RTTN: variants seen among roughly 807,000 people sequenced by gnomAD.
RTTN encodes the protein rotatin.
RTTN carries 182 observed loss-of-function variants against 269.2 expected under a neutral mutation model. That is an observed-to-expected ratio of 0.68 (90% CI 0.60 to 0.76). The LOEUF is 0.76. RTTN is among the 30% of genes least tolerant of loss of function. RTTN has a pLI of 0.00. For synonymous variants in RTTN, 1,006 were observed against 963.5 expected (o/e 1.04, Z -0.82); for missense variants, 2,545 against 2,608.6 (o/e 0.98, Z 0.53).
chr18:70,176,223 ATATG>A (rs1404791304), intron 11 of RTTN, among the ~76,000 whole-genome samples: 2 of 145,484 alleles, frequency 1.4e-5, no homozygotes, highest in African/African-American at 2.8e-5. Flanking sequence ...ATGTATATGT[ATATG>A]TATATGTATA....
chr18:70,090,304 T>C (rs2058809802), intron 30 of RTTN, among the ~76,000 whole-genome samples: 1 of 152,218 alleles, frequency 6.6e-6, no homozygotes, highest in African/African-American at 2.4e-5. Flanking sequence ...TGTTTTCTCC[T>C]ACACATACAT....
At position 70,006,378 on chromosome 18, in the gene RTTN, G is replaced by A. The variant is rs868535718; in HGVS notation, c.6525+3C>T. The A allele has an allele frequency of 6.2e-7, 1 of 1,608,588 alleles. No homozygotes were observed. The highest frequency in any genetic ancestry group is 8.5e-7 in the Non-Finnish European group (1 of 1,175,090). On this transcript the variant is annotated splice_donor_region_variant and intron_variant, in intron 47 of 48. Transcript: ENST00000640769. ...AGGTGTAACAATGATTTTTAAAACT[G>A]ACCTTCTGATAATTGTAAATCAGAG... is the stretch of plus-strand genomic sequence containing the variant.
chr18:70,016,795 G>A (rs570196705), intron 46 of RTTN, among the ~76,000 whole-genome samples: 2 of 151,886 alleles, frequency 1.3e-5, no homozygotes, highest in Non-Finnish European at 2.9e-5. Flanking sequence ...TATTTATTGA[G>A]TGCTCGCTAG....
chr18:70,146,348 C>A (rs2060392826), intron 17 of RTTN, among the ~76,000 whole-genome samples: 1 of 152,054 alleles, frequency 6.6e-6, no homozygotes, highest in Non-Finnish European at 1.5e-5. Flanking sequence ...GGAGACCTTT[C>A]AAGAAAAGAG....
At chr18:70,022,674 G>C (rs1375344468) in intron 44 of RTTN, among the ~76,000 whole-genome samples, 1 of 152,110 alleles carries the variant, frequency 6.6e-6, no homozygotes, top group African/African-American at 2.4e-5. Flanking sequence ...AGGTCCAAAA[G>C]AACATCAATA....
chr18:70,064,773 C>T (rs1249921941), intron 35 of RTTN, among the ~76,000 whole-genome samples: 1 of 152,070 alleles, frequency 6.6e-6, no homozygotes, highest in Non-Finnish European at 1.5e-5. Context: ...GACGGTTGCA[C>T]AACTCTGAAT....
chr18:70,065,877 A>C lies in RTTN; in HGVS notation c.4699T>G (p.Ser1567Ala). The change falls in exon 35 of 49, where the codon TCA (serine) becomes GCA (alanine). Residue 1567 changes from serine (S) to alanine (A), a missense_variant. Transcript: ENST00000640769. ...GSTEFQPLVQ[S>A]TTLLPEASHD... ...GAGGCTTCAGGTAGAAGTGTTGTTG[A>C]CTGCACAAGTGGCTGAAATTCAGTA... 1 of 1,602,418 alleles carries C rather than the reference A, an allele frequency of 6.2e-7. No homozygotes were observed. The highest frequency in any genetic ancestry group is 8.5e-7 in the Non-Finnish European group (1 of 1,173,242).
intron 42 of RTTN, among the ~76,000 whole-genome samples, chr18:70,029,525 G>C (rs2056952438): frequency 6.6e-6 from 1 of 152,132 alleles, no homozygotes; most frequent in South Asian, 2.1e-4. Context: ...TACCAGCTCT[G>C]CAACCACCCA....
rs1051568190 is a variant in RTTN at position 70,018,796 on chromosome 18, C to G, written c.6154-1122G>C. Among the ~76,000 whole-genome samples the G allele has an allele frequency of 4.2e-5, 6 of 144,494 alleles. No individual in the cohort carries two copies. The Admixed American group carries it at 4.2e-4, about 10-fold the overall frequency. The allele number at this position is 144,494 out of a possible 152,430, so 94.8% of individuals were successfully genotyped here. On this transcript the variant is annotated intron_variant, in intron 45 of 48. Coordinates refer to ENST00000640769, the MANE Select transcript of RTTN (RefSeq NM_173630.4). ...AAGGGTGATAAAGCAGATGTCAGTG[C>G]TCTCAAATATAAATGTGCTGTGGGC... is the stretch of plus-strand genomic sequence containing the variant.
intron 32 of RTTN, among the ~76,000 whole-genome samples, chr18:70,084,230 T>TAA: frequency 6.7e-6 from 1 of 149,952 alleles, no homozygotes; most frequent in South Asian, 2.1e-4. Context: ...TTCTCTTTGT[T>TAA]AAAAAAAAAA....
intron 43 of RTTN, among the ~76,000 whole-genome samples, chr18:70,027,496 A>G (rs2056887408): frequency 1.3e-5 from 2 of 152,238 alleles, no homozygotes; most frequent in African/African-American, 4.8e-5. Flanking sequence ...AATTGAGCAC[A>G]ATATTTATAA....
intron 12 of RTTN, among the ~76,000 whole-genome samples, chr18:70,167,670 C>T (rs182605759): frequency 1.3e-5 from 2 of 151,110 alleles, no homozygotes; most frequent in African/African-American, 4.9e-5. Flanking sequence ...CACCACTGCA[C>T]TCCAGCCTGG....
At chr18:70,180,592 A>G (rs1212645954) in intron 10 of RTTN, among the ~76,000 whole-genome samples, 2 of 79,084 alleles carry the variant, frequency 2.5e-5, no homozygotes, top group African/African-American at 3.3e-5. Flanking sequence ...TGGGGAAGAG[A>G]AAAAAAAAAA....
chr18:70,069,374 T>C (rs1444551508), intron 34 of RTTN, among the ~76,000 whole-genome samples: 8 of 152,214 alleles, frequency 5.3e-5, no homozygotes, highest in Admixed American at 5.2e-4. Context: ...AAAAATAAAA[T>C]GGACTCAAAT....
chr18:70,063,897 CA>C (rs2058059339), intron 35 of RTTN, among the ~76,000 whole-genome samples: 1 of 148,948 alleles, frequency 6.7e-6, no homozygotes, highest in Admixed American at 6.7e-5. Context: ...CATATATCAC[CA>C]AAAAATTGTG....
chr18:70,205,560 C>G, intron 1 of RTTN, 68 bp downstream of exon 1: 1 of 1,599,896 alleles, frequency 6.3e-7, no homozygotes, highest in Non-Finnish European at 8.6e-7. Flanking sequence ...GGAAACGTGA[C>G]ACGACCATTC....
chr18:70,059,056 T>G, intron 36 of RTTN, among the ~76,000 whole-genome samples: 1 of 152,082 alleles, frequency 6.6e-6, no homozygotes, highest in South Asian at 2.1e-4. Flanking sequence ...AAACATGTGG[T>G]CAAAAGGAGG....
chr18:70,173,491 C>CAAA (rs397974179), intron 11 of RTTN, among the ~76,000 whole-genome samples: 9 of 48,444 alleles, frequency 1.9e-4, no homozygotes, highest in South Asian at 7.0e-4. Context: ...GACTCCAACT[C>CAAA]AAAAAAAAAA....
chr18:70,053,184 A>T (rs1230690826), intron 38 of RTTN: 2 of 152,242 alleles, frequency 1.3e-5, no homozygotes, highest in African/African-American at 2.4e-5. Flanking sequence ...ATGCTTCTCA[A>T]GGAATTCTCA....
Sources: gnomAD v4.1 joint callset for allele counts (sites outside exome capture counted in the v4.1 genomes callset) on GRCh38, gnomAD v4.1.1 for gene constraint, MANE v1.5 for transcripts, NCBI Gene and HGNC (gene_info 2026-07-23, HGNC 2026-07-21) for gene names.